Variants in SCN11A observed in about 807,000 individuals in gnomAD.
SCN11A encodes the protein sodium voltage-gated channel alpha subunit 11.
A neutral mutation model predicts 162.2 loss-of-function variants in SCN11A; 122 were observed. The observed-to-expected ratio is 0.75, with a 90% CI of 0.65 to 0.87. SCN11A has a LOEUF of 0.87. SCN11A is among the 40% of genes least tolerant of loss of function. SCN11A has a pLI of 0.00. For missense variants in SCN11A, 2,015 were observed against 2,181.6 expected, an observed-to-expected ratio of 0.92 and a Z score of 1.52; for synonymous variants, 758 against 751.5, an observed-to-expected ratio of 1.01 and a Z score of -0.14.
intron 2 of SCN11A, among the ~76,000 whole-genome samples, chr3:39,029,340 T>C (rs1394973835): frequency 1.3e-5 from 2 of 152,262 alleles, no homozygotes; most frequent in Admixed American, 1.3e-4. Flanking sequence ...AAGTTAAATA[T>C]ATTTTTATGC....
intron 7 of SCN11A, among the ~76,000 whole-genome samples, chr3:38,933,786 T>C (rs1227061260): frequency 2.0e-5 from 3 of 152,208 alleles, no homozygotes; most frequent in African/African-American, 7.2e-5. Context: ...TGGAACCAAG[T>C]TGGAAAACAC....
At chr3:38,929,551 T>C (rs1361752317) in intron 7 of SCN11A, among the ~76,000 whole-genome samples, 1 of 152,242 alleles carries the variant, frequency 6.6e-6, no homozygotes, top group Non-Finnish European at 1.5e-5. Flanking sequence ...TCTTTTATGT[T>C]ATGTGTACTT....
chr3:38,901,192 T>C (rs2065693960), intron 16 of SCN11A, among the ~76,000 whole-genome samples: 3 of 152,228 alleles, frequency 2.0e-5, no homozygotes, highest in African/African-American at 4.8e-5. Flanking sequence ...TGATTTACTA[T>C]TTATTTTTAA....
At chr3:38,956,442 G>A (rs2066682964) in intron 3 of SCN11A, among the ~76,000 whole-genome samples, 2 of 152,144 alleles carry the variant, frequency 1.3e-5, no homozygotes, top group African/African-American at 4.8e-5. Context: ...AAAAGTAATG[G>A]TTTATAGACA....
chr3:38,895,880 G>T (rs531089023), intron 18 of SCN11A, among the ~76,000 whole-genome samples: 2 of 152,250 alleles, frequency 1.3e-5, no homozygotes, highest in South Asian at 4.2e-4. Context: ...ATCACTTAGT[G>T]TCTAGGCACA....
At chr3:38,870,599 G>A (rs2065109595) in intron 26 of SCN11A, 92 bp downstream of exon 26, 1 of 1,043,838 alleles carries the variant, frequency 9.6e-7, no homozygotes, top group African/African-American at 1.6e-5. Flanking sequence ...CCCAGCTGCT[G>A]GAACTATGAC....
chr3:38,859,963 C>A (rs2064936576), intron 28 of SCN11A, among the ~76,000 whole-genome samples: 1 of 152,166 alleles, frequency 6.6e-6, no homozygotes, highest in South Asian at 2.1e-4. Context: ...CAGTACAGTA[C>A]TGTAAAACCT....
chr3:38,938,513 T>C (rs1183541607), intron 7 of SCN11A, among the ~76,000 whole-genome samples: 246 of 10,720 alleles, frequency 0.023, no homozygotes, highest in Middle Eastern at 0.071. Context: ...AAATATCATA[T>C]ATATATATAT....
intron 2 of SCN11A, among the ~76,000 whole-genome samples, chr3:38,992,776 T>G (rs1269886820): frequency 6.6e-6 from 1 of 152,192 alleles, no homozygotes; most frequent in Non-Finnish European, 1.5e-5. Flanking sequence ...TTGCCAAGCA[T>G]CATATCTCCC....
chr3:38,950,023 C>T lies in SCN11A; in HGVS notation c.267+73G>A, dbSNP rs553482172. Reference sequence around the variant, plus strand: ...AACCCTAAGAGTGGTGTTTGGAGAACCTGTAACACCAGTTACAACTGCATG... The same window carrying T: ...AACCCTAAGAGTGGTGTTTGGAGAATCTGTAACACCAGTTACAACTGCATG... On this transcript the variant is annotated intron_variant, in intron 5 of 29. Transcript: ENST00000302328. 563 of 878,414 alleles carry T rather than the reference C, an allele frequency of 6.4e-4. 11 individuals are homozygous for T. In the African/African-American group the frequency reaches 9.1e-3, roughly 14 times the overall value. 54.4% of individuals were successfully genotyped at this position (878,414 alleles called of 1,614,324 possible).
intron 28 of SCN11A, among the ~76,000 whole-genome samples, chr3:38,860,213 A>C (rs909887807): frequency 6.6e-6 from 1 of 152,058 alleles, no homozygotes; most frequent in African/African-American, 2.4e-5. Flanking sequence ...ATGCTCGGGG[A>C]GACTGATTTG....
At chr3:38,995,193 C>A (rs185105360) in intron 2 of SCN11A, among the ~76,000 whole-genome samples, 2 of 151,250 alleles carry the variant, frequency 1.3e-5, no homozygotes, top group Non-Finnish European at 2.9e-5. Context: ...TGCAGTGGCG[C>A]GATCTCGGCT....
At chr3:38,902,053 A>G (rs1379559228) in intron 16 of SCN11A, among the ~76,000 whole-genome samples, 1 of 152,148 alleles carries the variant, frequency 6.6e-6, no homozygotes, top group East Asian at 1.9e-4. Flanking sequence ...GCAGATGAAA[A>G]CAGATCACCA....
chr3:38,988,675 A>G (rs2030346953), intron 2 of SCN11A, among the ~76,000 whole-genome samples: 1 of 152,226 alleles, frequency 6.6e-6, no homozygotes, highest in South Asian at 2.1e-4. Flanking sequence ...AGAGTGTTAT[A>G]AGACTGCTAG....
chr3:38,939,105 G>A (rs559303144), intron 7 of SCN11A, among the ~76,000 whole-genome samples: 9 of 152,136 alleles, frequency 5.9e-5, no homozygotes, highest in Admixed American at 3.9e-4. Context: ...TCCAGGAGGC[G>A]AAGGCTGCAG....
At chr3:38,997,128 C>A (rs2030669051) in intron 2 of SCN11A, among the ~76,000 whole-genome samples, 1 of 152,142 alleles carries the variant, frequency 6.6e-6, no homozygotes, top group Non-Finnish European at 1.5e-5. Context: ...CTGCTCAGAA[C>A]CTTCCCATGG....
intron 2 of SCN11A, among the ~76,000 whole-genome samples, chr3:39,004,002 T>C (rs751138685): frequency 3.9e-5 from 6 of 152,242 alleles, no homozygotes; most frequent in Non-Finnish European, 7.3e-5. Flanking sequence ...TTTGTCTTGC[T>C]GTGATGAAGC....
intron 7 of SCN11A, among the ~76,000 whole-genome samples, chr3:38,937,509 C>T (rs1042925211): frequency 6.6e-6 from 1 of 151,504 alleles, no homozygotes; most frequent in Non-Finnish European, 1.5e-5. Context: ...CTACAATGAA[C>T]TCAAACAAAT....
chr3:39,008,833 G>A (rs1278469562), intron 2 of SCN11A, among the ~76,000 whole-genome samples: 2 of 150,386 alleles, frequency 1.3e-5, no homozygotes, highest in African/African-American at 5.0e-5. Context: ...AGTGAGCCAA[G>A]ATTGTACCAT....
Sources: gnomAD v4.1 joint callset for allele counts (sites outside exome capture counted in the v4.1 genomes callset) on GRCh38, gnomAD v4.1.1 for gene constraint, MANE v1.5 for transcripts, NCBI Gene and HGNC (gene_info 2026-07-23, HGNC 2026-07-21) for gene names.